Variants in MTUS2 observed in about 807,000 individuals in gnomAD.
The protein encoded by MTUS2 is microtubule associated scaffold protein 2, also known as microtubule-associated tumor suppressor candidate 2.
Under a neutral mutation model 114.1 loss-of-function variants are expected in MTUS2, and 40 were observed. The observed-to-expected ratio is 0.35, with a 90% CI of 0.27 to 0.46. The LOEUF is 0.46. Ranked by LOEUF, MTUS2 falls within the 20% of genes least tolerant of loss-of-function variation. MTUS2 has a pLI of 1.00. For missense variants in MTUS2, 1,679 were observed against 1,705.4 expected, an observed-to-expected ratio of 0.98 and a Z score of 0.27; for synonymous variants, 688 against 672.0, an observed-to-expected ratio of 1.02 and a Z score of -0.37.
intron 2 of MTUS2, among the ~76,000 whole-genome samples, chr13:28,977,435 A>G (rs1884164209): frequency 6.6e-6 from 1 of 152,180 alleles, no homozygotes; most frequent in Non-Finnish European, 1.5e-5. Context: ...AAACTGGGAA[A>G]CTTACTACCT....
chr13:29,152,282 C>T (rs1429880113), intron 5 of MTUS2, among the ~76,000 whole-genome samples: 4 of 152,076 alleles, frequency 2.6e-5, no homozygotes, highest in East Asian at 1.9e-4. Flanking sequence ...GCTAAAAGTT[C>T]TTTCATTTAA....
intron 5 of MTUS2, among the ~76,000 whole-genome samples, chr13:29,137,411 T>A (rs936641474): frequency 9.9e-5 from 15 of 152,134 alleles, no homozygotes; most frequent in African/African-American, 3.4e-4. Flanking sequence ...AATGGGGATT[T>A]TTGGCCATTA....
chr13:28,986,554 G>A (rs117424903), intron 2 of MTUS2, among the ~76,000 whole-genome samples: 191 of 152,258 alleles, frequency 1.3e-3, no homozygotes, highest in Admixed American at 3.0e-3. Flanking sequence ...AATGTTCACC[G>A]TGTCCCCTGA....
intron 4 of MTUS2, among the ~76,000 whole-genome samples, chr13:29,098,566 T>G (rs1052855045): frequency 1.3e-5 from 2 of 152,156 alleles, no homozygotes; most frequent in Non-Finnish European, 2.9e-5. Flanking sequence ...GAAAACAATT[T>G]AGAGACTGGC....
chr13:29,385,473 C>A (rs930192996), intron 8 of MTUS2, among the ~76,000 whole-genome samples: 1 of 152,170 alleles, frequency 6.6e-6, no homozygotes, highest in South Asian at 2.1e-4. Context: ...CTCCATAAAC[C>A]TTTTCTTAGG....
At chr13:29,498,250 A>G (rs902188473) in intron 13 of MTUS2, among the ~76,000 whole-genome samples, 168 bp from the exon 14 acceptor site, 11 of 152,228 alleles carry the variant, frequency 7.2e-5, no homozygotes, top group Non-Finnish European at 1.5e-4. Flanking sequence ...GGAAACTAGC[A>G]GGGCCCCTTT....
At chr13:28,821,379 T>C (rs1259713208) in intron 1 of MTUS2, among the ~76,000 whole-genome samples, 1 of 152,268 alleles carries the variant, frequency 6.6e-6, no homozygotes, top group East Asian at 1.9e-4. Context: ...CTTTGACTAC[T>C]TATTGATAAA....
At chr13:29,019,184 C>T (rs1208640874) in intron 2 of MTUS2, among the ~76,000 whole-genome samples, 2 of 152,084 alleles carry the variant, frequency 1.3e-5, no homozygotes, top group African/African-American at 2.4e-5. Context: ...TTATGATGCT[C>T]TCGTGGACAA....
chr13:29,064,756 G>A (rs1888586092), intron 4 of MTUS2, among the ~76,000 whole-genome samples: 1 of 152,054 alleles, frequency 6.6e-6, no homozygotes, highest in Non-Finnish European at 1.5e-5. Context: ...CTACCCAATA[G>A]ATATTTTTTC....
chr13:29,351,462 C>T (rs1346326188), intron 7 of MTUS2, among the ~76,000 whole-genome samples: 2 of 152,202 alleles, frequency 1.3e-5, no homozygotes, highest in African/African-American at 4.8e-5. Context: ...ATCTTTCTCC[C>T]CCTCTGGACA....
intron 4 of MTUS2, among the ~76,000 whole-genome samples, chr13:29,036,179 C>A (rs1171989441): frequency 1.3e-5 from 2 of 150,928 alleles, no homozygotes; most frequent in African/African-American, 4.9e-5. Context: ...AAAGAAAAAC[C>A]CAACAGCTAA....
chr13:28,835,192 A>T (rs1442470947), intron 1 of MTUS2, among the ~76,000 whole-genome samples: 5 of 152,220 alleles, frequency 3.3e-5, no homozygotes, highest in Admixed American at 3.3e-4. Flanking sequence ...GAAAACTTAC[A>T]TATCCATATA....
chr13:29,208,387 T>C (rs1895283488), intron 5 of MTUS2, among the ~76,000 whole-genome samples: 1 of 152,028 alleles, frequency 6.6e-6, no homozygotes, highest in Admixed American at 6.5e-5. Flanking sequence ...ACAAGCTTTT[T>C]GTTTCTTTTA....
At chr13:28,996,584 T>C (rs575509316) in intron 2 of MTUS2, among the ~76,000 whole-genome samples, 5 of 152,352 alleles carry the variant, frequency 3.3e-5, no homozygotes, top group African/African-American at 7.2e-5. Context: ...GAGCCTGTTA[T>C]CGGTCTATTC....
At chr13:29,124,167 C>G (rs1348329838) in intron 5 of MTUS2, among the ~76,000 whole-genome samples, 5 of 152,154 alleles carry the variant, frequency 3.3e-5, no homozygotes, top group African/African-American at 7.2e-5. Context: ...TATTTTAGGA[C>G]TAGGCATGTT....
At chr13:29,078,059 G>A (rs911046372) in intron 4 of MTUS2, among the ~76,000 whole-genome samples, 1 of 152,086 alleles carries the variant, frequency 6.6e-6, no homozygotes, top group Non-Finnish European at 1.5e-5. Context: ...AAGTTCAGCA[G>A]CAGCACAATC....
At chr13:29,049,570 A>G (rs1403904354) in intron 4 of MTUS2, among the ~76,000 whole-genome samples, 5 of 152,118 alleles carry the variant, frequency 3.3e-5, no homozygotes, top group Non-Finnish European at 4.4e-5. Context: ...TCTTGAGATG[A>G]TTTTAAGAGA....
At chr13:29,486,836 G>A (rs1244035174) in intron 10 of MTUS2, among the ~76,000 whole-genome samples, 1 of 152,180 alleles carries the variant, frequency 6.6e-6, no homozygotes, top group African/African-American at 2.4e-5. Flanking sequence ...CACTGACAGA[G>A]AATTTGGATA....
chr13:29,163,351 G>A (rs146750916), intron 5 of MTUS2, among the ~76,000 whole-genome samples: 14 of 152,226 alleles, frequency 9.2e-5, no homozygotes, highest in African/African-American at 2.9e-4. Flanking sequence ...TGACAGTGGT[G>A]TATGAGCAGA....
Sources: gnomAD v4.1 joint callset for allele counts (sites outside exome capture counted in the v4.1 genomes callset) on GRCh38, gnomAD v4.1.1 for gene constraint, MANE v1.5 for transcripts, NCBI Gene and HGNC (gene_info 2026-07-23, HGNC 2026-07-21) for gene names.